NRXN2: variants seen among roughly 807,000 people sequenced by gnomAD.
NRXN2 encodes neurexin 2.
Under a neutral mutation model 128.8 loss-of-function variants are expected in NRXN2, and 29 were observed. That is an observed-to-expected ratio of 0.23 (90% CI 0.17 to 0.31). The LOEUF is 0.31. NRXN2 is among the 10% of genes least tolerant of loss of function. The pLI, the probability that NRXN2 is intolerant of heterozygous loss-of-function variation, is 1.00. For synonymous variants in NRXN2, 1,098 were observed against 1,075.2 expected (o/e 1.02, Z -0.41); for missense variants, 1,881 against 2,452.6 (o/e 0.77, Z 4.92).
chr11:64,667,272 G>C lies in NRXN2; in HGVS notation c.1776C>G (p.Asp592Glu). The change falls in exon 9 of 23, where the codon GAC (aspartate) becomes GAG (glutamate). Residue 592 changes from aspartate to glutamate, a missense_variant. Transcript: ENST00000265459. The surrounding 1 kb of genome is among the most constrained non-coding windows in gnomAD (Gnocchi z 5.6). ...GACCTTTTCGCCCATCCCTCTGGAA[G>C]TCCACGTGACACCACTCGCCATCAT... Reference protein sequence around the residue: ...KVNDGEWCHVDFQRDGRKGSI... With the variant: ...KVNDGEWCHVEFQRDGRKGSI... 1 of 1,614,220 alleles carries C rather than the reference G, an allele frequency of 6.2e-7. No individual in the cohort carries two copies. Among genetic ancestry groups the C allele is most frequent in the Non-Finnish European group, 8.5e-7 (1 of 1,180,042 alleles).
intron 11 of NRXN2, among the ~76,000 whole-genome samples, chr11:64,658,535 T>C (rs1303642436): frequency 1.3e-5 from 2 of 152,316 alleles, no homozygotes; most frequent in East Asian, 3.9e-4. Context: ...GCCACCTGCA[T>C]ATCTCCCCAC....
chr11:64,705,676 TCA>T (rs1330521145), intron 2 of NRXN2, among the ~76,000 whole-genome samples: 2 of 151,986 alleles, frequency 1.3e-5, no homozygotes, highest in African/African-American at 4.8e-5. Flanking sequence ...AGCTCTGGTC[TCA>T]CATTCCCAAT....
intron 6 of NRXN2, among the ~76,000 whole-genome samples, chr11:64,677,566 G>A (rs557474704): frequency 4.6e-5 from 7 of 152,312 alleles, no homozygotes; most frequent in Admixed American, 6.5e-5. Flanking sequence ...GGTTATAAGC[G>A]TGTTAGTAAC....
chr11:64,634,789 A>G (rs1198800474), intron 18 of NRXN2, among the ~76,000 whole-genome samples: 1 of 152,198 alleles, frequency 6.6e-6, no homozygotes, highest in Admixed American at 6.5e-5. Flanking sequence ...CAGAATCCAG[A>G]GGCAAGATGA....
intron 17 of NRXN2, among the ~76,000 whole-genome samples, chr11:64,641,041 G>C (rs2045584367): frequency 6.6e-6 from 1 of 152,168 alleles, no homozygotes; most frequent in African/African-American, 2.4e-5. Flanking sequence ...GAGAAGTGCA[G>C]ACATGGGAGG....
intron 6 of NRXN2, among the ~76,000 whole-genome samples, chr11:64,679,366 G>C (rs996573569): frequency 6.6e-6 from 1 of 152,158 alleles, no homozygotes; most frequent in Non-Finnish European, 1.5e-5. Context: ...GGCCAGGCGT[G>C]GTGGGTCACA....
chr11:64,704,619 CACACAGAG>C (rs1565458139), intron 2 of NRXN2, among the ~76,000 whole-genome samples: 2 of 104,054 alleles, frequency 1.9e-5, no homozygotes, highest in African/African-American at 7.9e-5. Flanking sequence ...CACACACACA[CACACAGAG>C]AGAGAGAGAG....
intron 17 of NRXN2, among the ~76,000 whole-genome samples, chr11:64,641,380 G>A (rs1046669117): frequency 1.3e-5 from 2 of 152,042 alleles, no homozygotes; most frequent in Admixed American, 6.5e-5. Context: ...GGGAGGTGAG[G>A]AGGTCCCTGG....
At chr11:64,625,677 A>G (rs1255879641) in intron 20 of NRXN2, among the ~76,000 whole-genome samples, 1 of 152,084 alleles carries the variant, frequency 6.6e-6, no homozygotes, top group Non-Finnish European at 1.5e-5. Context: ...AATGGGATGG[A>G]TATGTCCTTA....
intron 2 of NRXN2, among the ~76,000 whole-genome samples, chr11:64,698,123 C>T (rs1243144496): frequency 6.6e-6 from 1 of 152,162 alleles, no homozygotes; most frequent in Admixed American, 6.5e-5. Flanking sequence ...GAGGCAGGGC[C>T]AGGAGTGGCA....
rs924077356 is a variant in NRXN2 at position 64,692,710 on chromosome 11, G to A, written c.778+137C>T. Reference sequence around the variant, plus strand: ...AAAATTAAGAAATGGCAAAGGAAGCGGGTAGGAAAGGAAGGAAGGTGTCAG... The same window carrying A: ...AAAATTAAGAAATGGCAAAGGAAGCAGGTAGGAAAGGAAGGAAGGTGTCAG... On this transcript the variant is annotated intron_variant, in intron 4 of 22. Transcript: ENST00000265459. 1.4e-4 allele frequency: 96 copies of A among 668,088 alleles called. 1 individual carries two copies. The highest frequency in any genetic ancestry group is 3.3e-4 in the African/African-American group (18 of 53,920). 41.4% of individuals were successfully genotyped at this position (668,088 alleles called of 1,614,324 possible).
chr11:64,630,424 C>G lies in NRXN2; in HGVS notation c.3735G>C (p.Pro1245=). 6.2e-7 allele frequency: 1 copy of G among 1,612,738 alleles called. No homozygotes were observed. The highest frequency in any genetic ancestry group is 1.1e-5 in the South Asian group (1 of 91,064). The change falls in exon 19 of 23, where the codon CCG becomes CCC. Residue 1245 remains proline (P), a synonymous_variant. Transcript: ENST00000265459. This position sits in a 1 kb window ranked among gnomAD's most constrained non-coding sequence, Gnocchi z 4.6. ...TACCTGCCGGGTACCGCTCGTTGAC[C>G]GGCCAGCTGTCCACCTGCAGGGTGG... ...GNATLQVDSW[P]VNERYPAGNF... is the part of the protein sequence containing the mutation.
At chr11:64,688,145 G>A (rs932907650) in intron 5 of NRXN2, among the ~76,000 whole-genome samples, 4 of 152,234 alleles carry the variant, frequency 2.6e-5, no homozygotes, top group African/African-American at 9.6e-5. Context: ...GGAAAGAGGC[G>A]GGTCTGGGGC....
At chr11:64,716,701 C>T (rs538200550) in intron 1 of NRXN2, among the ~76,000 whole-genome samples, 13 of 152,266 alleles carry the variant, frequency 8.5e-5, no homozygotes, top group Non-Finnish European at 1.3e-4. Flanking sequence ...CAGCCCACAG[C>T]TCTGCAGCAG....
chr11:64,650,332 G>A (rs1565296685), intron 15 of NRXN2, 116 bp downstream of exon 15: 10 of 1,025,122 alleles, frequency 9.8e-6, no homozygotes, highest in Middle Eastern at 2.7e-4. Flanking sequence ...GGGAAAGAGA[G>A]GTGGAAACTG....
intron 15 of NRXN2, 109 bp from the exon 16 acceptor site, chr11:64,649,016 T>C: frequency 8.7e-7 from 1 of 1,142,942 alleles, no homozygotes; most frequent in Non-Finnish European, 1.3e-6. Flanking sequence ...CTGCGTTCCA[T>C]CCCAGATTCC....
chr11:64,613,155 C>A (rs771362929), intron 22 of NRXN2, among the ~76,000 whole-genome samples: 5 of 152,240 alleles, frequency 3.3e-5, no homozygotes, highest in Non-Finnish European at 7.3e-5. Flanking sequence ...CACATGCACA[C>A]ACACACACTG....
intron 2 of NRXN2, among the ~76,000 whole-genome samples, chr11:64,707,075 T>G (rs2056411645): frequency 6.6e-6 from 1 of 151,848 alleles, no homozygotes; most frequent in African/African-American, 2.4e-5. Context: ...GTATCACCAT[T>G]TTATACATAA....
chr11:64,710,566 C>G (rs1312844535), intron 2 of NRXN2, among the ~76,000 whole-genome samples: 4 of 152,110 alleles, frequency 2.6e-5, no homozygotes, highest in Admixed American at 2.6e-4. Context: ...GGCCAGGGAC[C>G]GGTTACCCTA....
Sources: allele counts gnomAD v4.1 joint callset (sites outside exome capture counted in the v4.1 genomes callset), GRCh38; gene constraint gnomAD v4.1.1; non-coding constraint Gnocchi (gnomAD v3.1); transcripts MANE v1.5; gene names NCBI Gene and HGNC (gene_info 2026-07-23, HGNC 2026-07-21).